Variants in DPP8 observed in about 807,000 individuals in gnomAD.
DPP8 encodes DPP VIII.
DPP8 carries 31 observed loss-of-function variants against 107.5 expected under a neutral mutation model. That is an observed-to-expected ratio of 0.29 (90% confidence interval 0.22 to 0.39). The LOEUF (loss-of-function observed/expected upper bound fraction) is 0.39, where lower values mean the gene tolerates loss of function less well. Ranked by LOEUF, DPP8 falls within the 10% of genes least tolerant of loss-of-function variation. The pLI, the probability that DPP8 is intolerant of heterozygous loss-of-function variation, is 1.00. For missense variants in DPP8, 842 were observed against 1,076.1 expected (o/e 0.78, Z 3.04); for synonymous variants, 381 against 356.6 (o/e 1.07, Z -0.77).
chr15:65,452,641 T>C (rs1366252560), intron 17 of DPP8, among the ~76,000 whole-genome samples: 1 of 152,132 alleles, frequency 6.6e-6, no homozygotes, highest in Non-Finnish European at 1.5e-5. Context: ...TAGATATATG[T>C]GCAAGAATAA....
intron 4 of DPP8, among the ~76,000 whole-genome samples, chr15:65,499,906 CTT>C (rs898099928): frequency 1.3e-5 from 2 of 151,974 alleles, no homozygotes; most frequent in Admixed American, 6.6e-5. Flanking sequence ...ATTATTAACT[CTT>C]TTGTTTTGAG....
chr15:65,487,304 C>T (rs1456788313), intron 7 of DPP8, among the ~76,000 whole-genome samples: 1 of 152,100 alleles, frequency 6.6e-6, no homozygotes, highest in Non-Finnish European at 1.5e-5. Context: ...CATGCACCAC[C>T]ATGCCTGGCT....
rs71139408 is a variant in DPP8 at position 65,483,586 on chromosome 15, CAATAAAATAAAATAA to C, written c.1017+1498_1017+1512del. Among the ~76,000 whole-genome samples, 1,052 of 140,774 alleles carry C rather than the reference CAATAAAATAAAATAA, an allele frequency of 7.5e-3. 9 individuals are homozygous for C. The highest frequency in any genetic ancestry group is 0.018 in the African/African-American group (667 of 37,622). The allele number at this position is 140,774 out of a possible 152,430, so 92.4% of individuals were successfully genotyped here. A position where few individuals can be genotyped will look rare whatever the true frequency, so the allele number is the denominator to read the frequency against. On this transcript the variant is annotated intron_variant, in intron 8 of 19. Transcript: ENST00000300141. The stretch of plus-strand genomic sequence containing the variant: ...GGCAGGCTGGAGACTTTTCTTCAAA[CAATAAAATAAAATAA>C]AATAAAATAAAATAAAATAAAATAA...
chr15:65,451,314 A>G (rs1041167440), intron 18 of DPP8, among the ~76,000 whole-genome samples: 2 of 152,206 alleles, frequency 1.3e-5, no homozygotes, highest in African/African-American at 2.4e-5. Flanking sequence ...CTTGTGTTCA[A>G]TTTTTTATAA....
At chr15:65,463,736 T>C in intron 15 of DPP8, 25 bp downstream of exon 15, 1 of 1,570,882 alleles carries the variant, frequency 6.4e-7, no homozygotes, top group Non-Finnish European at 8.8e-7. Context: ...TGGGTGTATG[T>C]ATATATGTAT....
intron 3 of DPP8, among the ~76,000 whole-genome samples, chr15:65,503,797 A>G (rs967942242): frequency 2.6e-5 from 4 of 151,294 alleles, no homozygotes; most frequent in Non-Finnish European, 1.5e-5. Flanking sequence ...TTATTTTTTT[A>G]TATTTTTAGT....
Position 65,481,570 on chromosome 15 carries a change from G to C in DPP8, c.1063C>G (p.Leu355Val). Reference protein sequence around the residue: ...DKELIQPFEILFEGVEYIARA... With the variant: ...DKELIQPFEIVFEGVEYIARA... ...GCAATATATTCAACTCCTTCAAATAGAATCTCAAAAGGTTGAATTAGTTCC... is the reference window on the plus strand; with the variant it reads ...GCAATATATTCAACTCCTTCAAATACAATCTCAAAAGGTTGAATTAGTTCC... The change falls in exon 9 of 20, where the codon CTA (leucine) becomes GTA (valine). Residue 355 changes from leucine to valine, a missense_variant. Physicochemically the swap from Leu to Val is conservative, Grantham distance 32 (BLOSUM62 1). Coordinates refer to ENST00000300141, the MANE Select transcript of DPP8 (RefSeq NM_130434.5). The C allele has an allele frequency of 1.9e-6, 3 of 1,589,912 alleles. No individual in the cohort carries two copies. Among genetic ancestry groups the C allele is most frequent in the South Asian group, 1.2e-5 (1 of 86,720 alleles).
At chr15:65,516,614 T>C (rs1317157581) in intron 1 of DPP8, 1 of 152,222 alleles carries the variant, frequency 6.6e-6, no homozygotes, top group Admixed American at 6.6e-5. Context: ...AGACACCTCA[T>C]AGCACTAAGC....
At chr15:65,480,160 T>A in intron 10 of DPP8, 62 bp downstream of exon 10, 1 of 1,468,682 alleles carries the variant, frequency 6.8e-7, no homozygotes, top group African/African-American at 1.4e-5. Context: ...GTTTGCTATA[T>A]AACTTCATTT....
At chr15:65,511,842 CAAG>C (rs1387422987) in intron 2 of DPP8, 1 of 234,546 alleles carries the variant, frequency 4.3e-6, no homozygotes, top group Non-Finnish European at 8.7e-6. Context: ...ATTTAACAAA[CAAG>C]AAAGTAAATC....
intron 15 of DPP8, chr15:65,459,634 G>A (rs982082272): frequency 3.3e-5 from 5 of 152,124 alleles, no homozygotes; most frequent in African/African-American, 1.2e-4. Flanking sequence ...AAGCATAGCT[G>A]TACTGCATAA....
intron 11 of DPP8, 81 bp downstream of exon 11, chr15:65,478,799 T>C: frequency 1.0e-6 from 1 of 966,958 alleles, no homozygotes; most frequent in Non-Finnish European, 1.6e-6. Flanking sequence ...TTATAAAGCA[T>C]GCAAAAGATA....
intron 19 of DPP8, among the ~76,000 whole-genome samples, chr15:65,449,734 G>A (rs1008427174): frequency 2.6e-5 from 4 of 152,062 alleles, no homozygotes; most frequent in African/African-American, 9.7e-5. Flanking sequence ...CATACTCTGT[G>A]AGGCCAAACT....
At chr15:65,466,977 C>CT in intron 13 of DPP8, 94 bp downstream of exon 13, 1 of 1,510,946 alleles carries the variant, frequency 6.6e-7, no homozygotes, top group African/African-American at 1.4e-5. Flanking sequence ...GAGAATTAGG[C>CT]TTTTGCAGGC....
chr15:65,504,318 G>A lies in DPP8; in HGVS notation c.372+2925C>T, dbSNP rs144532257. Among the ~76,000 whole-genome samples, 526 of 145,844 alleles carry A rather than the reference G, an allele frequency of 3.6e-3. 2 individuals are homozygous for A. Among genetic ancestry groups the A allele is most frequent in the African/African-American group, 1.0e-2 (389 of 39,036 alleles). ...GCAGAGGTTGCGGTGAGCTGAGATC[G>A]TGCCATTGCACTCCAGCCTGGGCAA... On this transcript the variant is annotated intron_variant, in intron 3 of 19. Transcript: ENST00000300141.
chr15:65,499,069 A>AGTG (rs2068895217), intron 4 of DPP8, among the ~76,000 whole-genome samples: 2 of 69,764 alleles, frequency 2.9e-5, no homozygotes, highest in East Asian at 9.9e-4. Context: ...CCCAAAAAAA[A>AGTG]AGTGTGTGTG....
chr15:65,487,939 T>G (rs1199906929), intron 6 of DPP8, 121 bp from the exon 7 acceptor site: 1 of 692,418 alleles, frequency 1.4e-6, no homozygotes. Flanking sequence ...TAAAATATGC[T>G]GCCTTTTTTG....
chr15:65,499,231 C>CT (rs909367840), intron 4 of DPP8, among the ~76,000 whole-genome samples: 15 of 148,906 alleles, frequency 1.0e-4, no homozygotes, highest in East Asian at 7.8e-4. Flanking sequence ...GTTACCTTTC[C>CT]TTTTTTTTTT....
chr15:65,476,254 C>A (rs1248921726), intron 11 of DPP8, among the ~76,000 whole-genome samples: 2 of 152,024 alleles, frequency 1.3e-5, no homozygotes, highest in Non-Finnish European at 2.9e-5. Context: ...ATATTTTAAA[C>A]TCGAAGAGCA....
Sources: gnomAD v4.1 joint callset for allele counts (sites outside exome capture counted in the v4.1 genomes callset) on GRCh38, gnomAD v4.1.1 for gene constraint, MANE v1.5 for transcripts, NCBI Gene and HGNC (gene_info 2026-07-23, HGNC 2026-07-21) for gene names.